Variants in WSCD2 observed in about 807,000 individuals in gnomAD.
The protein encoded by WSCD2 is sialate:O-sulfotransferase 2.
A neutral mutation model predicts 55.7 loss-of-function variants in WSCD2; 28 were observed. The observed-to-expected ratio is 0.50, with a 90% CI of 0.37 to 0.69. The LOEUF (loss-of-function observed/expected upper bound fraction) is 0.69. Among genes scored for constraint, WSCD2 ranks in the 30% least tolerant of loss-of-function variants. The pLI, the probability that WSCD2 is intolerant of heterozygous loss-of-function variation, is 0.00. For synonymous variants in WSCD2, 301 were observed against 301.9 expected (o/e 1.00, Z 0.03); for missense variants, 616 against 762.1 (o/e 0.81, Z 2.26).
chr12:108,173,121 G>A (rs1248791908), intron 1 of WSCD2, among the ~76,000 whole-genome samples: 1 of 152,102 alleles, frequency 6.6e-6, no homozygotes, highest in African/African-American at 2.4e-5. Flanking sequence ...AAAAATAAAT[G>A]TGTGTTGTTT....
chr12:108,170,680 T>TC (rs1204484104), intron 1 of WSCD2, among the ~76,000 whole-genome samples: 6 of 152,194 alleles, frequency 3.9e-5, no homozygotes, highest in Non-Finnish European at 8.8e-5. Flanking sequence ...ACACACTTAG[T>TC]CAATGTCTGA....
At chr12:108,196,292 G>A in intron 2 of WSCD2, 78 bp downstream of exon 2, 1 of 1,471,224 alleles carries the variant, frequency 6.8e-7, no homozygotes, top group South Asian at 1.4e-5. Context: ...ACAGCTGTCA[G>A]TTTTCAGTGT....
At chr12:108,171,364 T>C (rs1322661728) in intron 1 of WSCD2, among the ~76,000 whole-genome samples, 1 of 152,206 alleles carries the variant, frequency 6.6e-6, no homozygotes, top group Admixed American at 6.5e-5. Context: ...CCCATATTGC[T>C]ACAATTACAC....
At chr12:108,173,581 C>A (rs1880470131) in intron 1 of WSCD2, among the ~76,000 whole-genome samples, 3 of 149,806 alleles carry the variant, frequency 2.0e-5, no homozygotes, top group South Asian at 2.2e-4. Flanking sequence ...GAGGCCAGAT[C>A]CAAGTCACCT....
At chr12:108,219,033 T>C (rs563058424) in intron 4 of WSCD2, among the ~76,000 whole-genome samples, 11 of 152,286 alleles carry the variant, frequency 7.2e-5, no homozygotes, top group Admixed American at 6.5e-4. Flanking sequence ...GTCAAACCCC[T>C]GGTGGCATTG....
intron 8 of WSCD2, among the ~76,000 whole-genome samples, chr12:108,247,398 A>G (rs1357806966): frequency 1.3e-5 from 2 of 151,992 alleles, no homozygotes; most frequent in Admixed American, 6.6e-5. Flanking sequence ...ATACTTATAC[A>G]TGGGGTTTGC....
At chr12:108,155,814 T>C (rs1420619320) in intron 1 of WSCD2, among the ~76,000 whole-genome samples, 1 of 152,202 alleles carries the variant, frequency 6.6e-6, no homozygotes, top group Non-Finnish European at 1.5e-5. Flanking sequence ...ACAAATACTA[T>C]TGTTATCATT....
At chr12:108,231,233 C>T (rs1343783985) in intron 6 of WSCD2, among the ~76,000 whole-genome samples, 1 of 152,166 alleles carries the variant, frequency 6.6e-6, no homozygotes, top group Admixed American at 6.5e-5. Flanking sequence ...CTGCCCCAGG[C>T]TGAAGAAGGC....
At chr12:108,176,403 T>C (rs933758207) in intron 1 of WSCD2, among the ~76,000 whole-genome samples, 1 of 152,224 alleles carries the variant, frequency 6.6e-6, no homozygotes, top group East Asian at 1.9e-4. Flanking sequence ...GTCATATAAA[T>C]GGAATCATAA....
intron 1 of WSCD2, among the ~76,000 whole-genome samples, chr12:108,146,352 C>T (rs760742261): frequency 5.9e-5 from 9 of 152,212 alleles, no homozygotes; most frequent in Non-Finnish European, 1.2e-4. Context: ...TCTGTCCTGT[C>T]ATTCCCCCAG....
intron 1 of WSCD2, among the ~76,000 whole-genome samples, chr12:108,193,197 G>C (rs1883407907): frequency 6.6e-6 from 1 of 152,190 alleles, no homozygotes; most frequent in Non-Finnish European, 1.5e-5. Context: ...AAGAATGTCT[G>C]GCATGTATTA....
At position 108,129,407 on chromosome 12, in the gene WSCD2, G is replaced by A. The variant is rs1467819534; in HGVS notation, c.-1071G>A. ...GCGGCGAGGCAGCGAGAGAGAGCCA[G>A]GCGGCCGGAGCTCCGCGCCGAGCCG... On this transcript the variant is annotated 5_prime_UTR_variant, in exon 1 of 9. Transcript: ENST00000547525. 4 of 151,410 alleles carry A rather than the reference G, an allele frequency of 2.6e-5. No homozygotes were observed. The highest frequency in any genetic ancestry group is 5.9e-5 in the Non-Finnish European group (4 of 67,538). 9.4% of individuals were successfully genotyped at this position (151,410 alleles called of 1,614,324 possible). A position where few individuals can be genotyped will look rare whatever the true frequency, so the allele number is the denominator to read the frequency against.
intron 1 of WSCD2, among the ~76,000 whole-genome samples, chr12:108,132,385 T>G (rs1875661970): frequency 6.6e-6 from 1 of 152,170 alleles, no homozygotes; most frequent in South Asian, 2.1e-4. Context: ...CTCATGCAGG[T>G]GTGGGCTCAT....
At chr12:108,156,665 G>A (rs1456490852) in intron 1 of WSCD2, among the ~76,000 whole-genome samples, 4 of 152,198 alleles carry the variant, frequency 2.6e-5, no homozygotes, top group Non-Finnish European at 4.4e-5. Flanking sequence ...AAATACAGGT[G>A]TACCAGAAAT....
chr12:108,203,294 T>C (rs1049709235), intron 2 of WSCD2, among the ~76,000 whole-genome samples: 2 of 152,352 alleles, frequency 1.3e-5, no homozygotes, highest in East Asian at 1.9e-4. Context: ...GGTGGTCTTC[T>C]TCCTGTCACT....
At position 108,247,978 on chromosome 12, in the gene WSCD2, CCT is replaced by C. The variant is rs753851326; in HGVS notation, c.1346-6_1346-5del. 1 of 1,604,932 alleles carries C rather than the reference CCT, an allele frequency of 6.2e-7. No homozygotes were observed. The highest frequency in any genetic ancestry group is 8.5e-7 in the Non-Finnish European group (1 of 1,173,522). ...TCCTCCCTCTGACTGTGTCCTTTCT[CCT>C]CTCTCTGCAGAGTGGCCAGAGTTCG... On this transcript the variant is annotated splice_polypyrimidine_tract_variant and intron_variant, in intron 8 of 8. Coordinates refer to ENST00000547525, the MANE Select transcript of WSCD2 (RefSeq NM_014653.4).
intron 1 of WSCD2, among the ~76,000 whole-genome samples, chr12:108,188,999 G>T (rs565347322): frequency 6.6e-6 from 1 of 152,248 alleles, no homozygotes; most frequent in Admixed American, 6.5e-5. Context: ...GCTTTCCGGG[G>T]ATCTGTATAA....
At chr12:108,188,921 T>C (rs1302070575) in intron 1 of WSCD2, among the ~76,000 whole-genome samples, 1 of 152,216 alleles carries the variant, frequency 6.6e-6, no homozygotes, top group African/African-American at 2.4e-5. Context: ...TCTGTGAACT[T>C]TAGCTTTCTC....
At chr12:108,138,846 C>A (rs939682078) in intron 1 of WSCD2, among the ~76,000 whole-genome samples, 2 of 152,196 alleles carry the variant, frequency 1.3e-5, no homozygotes, top group African/African-American at 4.8e-5. Context: ...GCACCTATTT[C>A]ATTTCAGAGC....
Sources: gnomAD v4.1 joint callset for allele counts (sites outside exome capture counted in the v4.1 genomes callset) on GRCh38, gnomAD v4.1.1 for gene constraint, MANE v1.5 for transcripts, NCBI Gene and HGNC (gene_info 2026-07-23, HGNC 2026-07-21) for gene names.